Variants in PAH observed in about 807,000 individuals in gnomAD.
The protein encoded by PAH is phenylalanine-4-hydroxylase.
In PAH, 64 loss-of-function variants were observed where a neutral mutation model predicts 62.0. That is an observed-to-expected ratio of 1.03 (90% confidence interval 0.84 to 1.27). The LOEUF (loss-of-function observed/expected upper bound fraction) is 1.27. Among genes scored for constraint, PAH ranks in the 50% most tolerant of loss-of-function variants. PAH has a pLI of 0.00. For synonymous variants in PAH, 195 were observed against 196.2 expected (o/e 0.99, Z 0.05); for missense variants, 579 against 542.8 (o/e 1.07, Z -0.66).
At chr12:102,873,625 T>C (rs576916093) in intron 4 of PAH, among the ~76,000 whole-genome samples, 85 of 152,332 alleles carry the variant, frequency 5.6e-4, no homozygotes, top group African/African-American at 2.0e-3. Context: ...TGATAGCACA[T>C]GCTATCTGAC....
chr12:102,857,115 A>ATGTAG (rs1875470844), intron 5 of PAH, among the ~76,000 whole-genome samples: 2 of 152,204 alleles, frequency 1.3e-5, no homozygotes, highest in Non-Finnish European at 2.9e-5. Flanking sequence ...AGAATAAACA[A>ATGTAG]TGTAGAGAAG....
At chr12:102,907,061 T>C (rs1878005988) in intron 2 of PAH, among the ~76,000 whole-genome samples, 1 of 152,238 alleles carries the variant, frequency 6.6e-6, no homozygotes, top group Non-Finnish European at 1.5e-5. Flanking sequence ...AGAAATGATA[T>C]GTTAATTTGT....
intron 3 of PAH, among the ~76,000 whole-genome samples, chr12:102,879,813 T>C (rs897196680): frequency 1.3e-5 from 2 of 152,158 alleles, no homozygotes; most frequent in African/African-American, 4.8e-5. Context: ...TAAGGAGGGC[T>C]GACTGTGAAG....
intron 2 of PAH, among the ~76,000 whole-genome samples, chr12:102,899,801 G>C (rs1877664613): frequency 8.3e-6 from 1 of 120,958 alleles, no homozygotes; most frequent in Non-Finnish European, 1.6e-5. Flanking sequence ...GGAGCTTGCA[G>C]TGAGCCGAGA....
At chr12:102,870,285 G>A (rs1876249873) in intron 4 of PAH, among the ~76,000 whole-genome samples, 1 of 152,170 alleles carries the variant, frequency 6.6e-6, no homozygotes, top group Non-Finnish European at 1.5e-5. Context: ...AGGCTAGTGA[G>A]AACACAGGTT....
At chr12:102,872,298 C>A (rs1476787925) in intron 4 of PAH, among the ~76,000 whole-genome samples, 1 of 152,122 alleles carries the variant, frequency 6.6e-6, no homozygotes. Context: ...TTTCCGATGA[C>A]CACGTGTACT....
intron 4 of PAH, among the ~76,000 whole-genome samples, chr12:102,875,771 C>A (rs921827398): frequency 5.3e-5 from 8 of 152,040 alleles, no homozygotes; most frequent in African/African-American, 1.9e-4. Context: ...TTTAATTTCA[C>A]AACTAATATT....
intron 3 of PAH, among the ~76,000 whole-genome samples, chr12:102,891,780 G>T (rs990436074): frequency 1.3e-5 from 2 of 152,120 alleles, no homozygotes; most frequent in African/African-American, 4.8e-5. Context: ...CTCCAGTTCA[G>T]GCTGCCGGCT....
At chr12:102,919,460 C>A (rs1026291481), upstream of PAH, among the ~76,000 whole-genome samples, 2 of 152,156 alleles carry the variant, frequency 1.3e-5, no homozygotes, top group Non-Finnish European at 2.9e-5. Context: ...CAATTATACT[C>A]TTTCAGGTAT....
At chr12:102,905,343 G>T (rs1386764778) in intron 2 of PAH, among the ~76,000 whole-genome samples, 1 of 152,208 alleles carries the variant, frequency 6.6e-6, no homozygotes, top group East Asian at 1.9e-4. Context: ...GTAAGTAACA[G>T]ATAGGTGATG....
At chr12:102,913,822 C>T in intron 1 of PAH, 1 of 701,860 alleles carries the variant, frequency 1.4e-6, no homozygotes, top group Non-Finnish European at 2.6e-6. Flanking sequence ...TGACAGAAAA[C>T]CAAGGTTGGG....
chr12:102,887,849 A>G (rs898244757), intron 3 of PAH, among the ~76,000 whole-genome samples: 1 of 152,202 alleles, frequency 6.6e-6, no homozygotes, highest in African/African-American at 2.4e-5. Flanking sequence ...CCCTTAGTGC[A>G]TCACGACAAT....
intron 1 of PAH, among the ~76,000 whole-genome samples, chr12:102,932,921 A>G (rs1276858882): frequency 1.3e-5 from 2 of 152,232 alleles, no homozygotes; most frequent in Non-Finnish European, 2.9e-5. Context: ...TTGCACGCTT[A>G]TACTCATGGA....
At chr12:102,850,863 G>A (rs1241938851) in intron 8 of PAH, among the ~76,000 whole-genome samples, 7 of 152,126 alleles carry the variant, frequency 4.6e-5, no homozygotes, top group Non-Finnish European at 1.0e-4. Flanking sequence ...TGAGATGGGA[G>A]GATTGAGGCC....
chr12:102,956,535 T>C (rs1879917414), intron 1 of PAH, among the ~76,000 whole-genome samples: 1 of 151,900 alleles, frequency 6.6e-6, no homozygotes, highest in Non-Finnish European at 1.5e-5. Context: ...GGCGGGATGG[T>C]GGCTGCGCCA....
intron 5 of PAH, among the ~76,000 whole-genome samples, chr12:102,856,665 T>C (rs1414290993): frequency 1.3e-5 from 2 of 152,180 alleles, no homozygotes; most frequent in African/African-American, 4.8e-5. Flanking sequence ...CAGCAACATT[T>C]GGTGTTCAGA....
upstream of PAH, among the ~76,000 whole-genome samples, chr12:102,952,884 T>C (rs1002716072): frequency 4.9e-4 from 74 of 152,376 alleles, no homozygotes; most frequent in African/African-American, 1.7e-3. Flanking sequence ...GCCAAATACA[T>C]GGTTTGTGCT....
At chr12:102,926,477 G>A (rs17546718) in intron 1 of PAH, among the ~76,000 whole-genome samples, 9,135 of 151,900 alleles carry the variant, frequency 0.06, 323 homozygotes, top group Admixed American at 0.1. Context: ...AAGTAGGCAC[G>A]ACAAATTCAT....
chr12:102,860,497 A>G (rs1875667285), intron 5 of PAH, among the ~76,000 whole-genome samples: 2 of 86,584 alleles, frequency 2.3e-5, no homozygotes, highest in South Asian at 6.2e-4. Context: ...TAAAGTTCAT[A>G]TGGAACCAAA....
Sources: gnomAD v4.1 joint callset for allele counts (sites outside exome capture counted in the v4.1 genomes callset) on GRCh38, gnomAD v4.1.1 for gene constraint, MANE v1.5 for transcripts, NCBI Gene and HGNC (gene_info 2026-07-23, HGNC 2026-07-21) for gene names.